Variants in BEND3 observed in about 807,000 individuals in gnomAD.
BEND3 encodes the protein BEN domain containing 3, also known as BEN domain-containing protein 3.
A neutral mutation model predicts 60.1 loss-of-function variants in BEND3; 13 were observed. The ratio of observed to expected loss-of-function variants is 0.22; its 90% CI spans 0.14 to 0.34. The LOEUF (loss-of-function observed/expected upper bound fraction) is 0.34, where lower values mean the gene tolerates loss of function less well. Ranked by LOEUF, BEND3 falls within the 10% of genes least tolerant of loss-of-function variation. The pLI is 1.00. For synonymous variants in BEND3, 497 were observed against 491.5 expected, an observed-to-expected ratio of 1.01 and a Z score of -0.15; for missense variants, 896 against 1,138.1, an observed-to-expected ratio of 0.79 and a Z score of 3.06.
intron 3 of BEND3, among the ~76,000 whole-genome samples, chr6:107,076,714 G>C (rs567479951): frequency 2.6e-5 from 4 of 152,276 alleles, no homozygotes; most frequent in African/African-American, 9.6e-5. Flanking sequence ...CATGGCTTGG[G>C]GAAGCAGAGA....
intron 3 of BEND3, among the ~76,000 whole-genome samples, chr6:107,093,288 G>A (rs983356093): frequency 3.9e-5 from 6 of 151,954 alleles, no homozygotes; most frequent in Non-Finnish European, 5.9e-5. Flanking sequence ...GTGAAACCCC[G>A]TCTCTACTAA....
In BEND3 at chr6:107,108,254, A is replaced by C. The variant is rs191082571; in HGVS notation, c.-12+6836T>G. On this transcript the variant is annotated intron_variant, in intron 1 of 3. Transcript: ENST00000369042. ...CCGCGCGCCTGTGATTTGGCGTCTT[A>C]ATCTTTGGTCACTTGCGTCTTCTGA... is the stretch of plus-strand genomic sequence containing the variant. 2.5e-3 allele frequency among the ~76,000 whole-genome samples: 373 copies of C among 152,174 alleles called. 3 individuals are homozygous for C. The highest frequency in any genetic ancestry group is 8.7e-3 in the African/African-American group (362 of 41,506).
At chr6:107,087,039 A>G (rs1051622834) in intron 3 of BEND3, among the ~76,000 whole-genome samples, 1 of 150,874 alleles carries the variant, frequency 6.6e-6, no homozygotes, top group Non-Finnish European at 1.5e-5. Flanking sequence ...AAAAAAAAAA[A>G]AAGAAAAAGA....
chr6:107,087,671 AG>A (rs1775381055), intron 3 of BEND3, among the ~76,000 whole-genome samples: 2 of 151,400 alleles, frequency 1.3e-5, no homozygotes, highest in South Asian at 4.2e-4. Context: ...TGGGAGGCGG[AG>A]GTTGCAGTGA....
chr6:107,087,369 AC>A (rs1775375152), intron 3 of BEND3, among the ~76,000 whole-genome samples: 1 of 152,048 alleles, frequency 6.6e-6, no homozygotes, highest in Admixed American at 6.6e-5. Context: ...ACCAAACCAG[AC>A]TCAGAGGTGG....
chr6:107,101,124 C>T (rs1045309536), intron 1 of BEND3, among the ~76,000 whole-genome samples: 5 of 152,126 alleles, frequency 3.3e-5, no homozygotes, highest in African/African-American at 1.2e-4. Context: ...ACTGCTTGAA[C>T]CCGGGAGGCA....
rs1403065506 is a variant in BEND3 at position 107,098,630 on chromosome 6, G to A, written c.161C>T (p.Ser54Phe). 6.2e-7 allele frequency: 1 copy of A among 1,613,836 alleles called. No individual in the cohort carries two copies. Among genetic ancestry groups the A allele is most frequent in the Non-Finnish European group, 8.5e-7 (1 of 1,180,042 alleles). The change falls in exon 3 of 4, where the codon TCC becomes TTC. Residue 54 changes from serine to phenylalanine, a missense_variant. By Grantham distance (155) the Ser-to-Phe change is radical (BLOSUM62 -2). Transcript: ENST00000369042. ...GCTGACCAGCTGCTTTCGTTTGCTG[G>A]AGTCCTGCAGGGCAGTGAGGACGCT... ...VDSVLTALQD[S>F]SKRKQLVSDG...
chr6:107,097,498 G>GT (rs1554236125), intron 3 of BEND3, among the ~76,000 whole-genome samples: 1 of 149,650 alleles, frequency 6.7e-6, no homozygotes, highest in African/African-American at 2.5e-5. Flanking sequence ...GTAAATAAAA[G>GT]TATCACTCAT....
At chr6:107,102,769 C>A (rs1384665097) in intron 1 of BEND3, among the ~76,000 whole-genome samples, 4 of 152,198 alleles carry the variant, frequency 2.6e-5, no homozygotes, top group African/African-American at 9.7e-5. Flanking sequence ...AGGTGAGCAT[C>A]CCCTGTAACA....
At chr6:107,071,045 A>G in intron 3 of BEND3, 95 bp from the exon 4 acceptor site, 1 of 1,208,770 alleles carries the variant, frequency 8.3e-7, no homozygotes, top group Non-Finnish European at 1.1e-6. Context: ...GCCGAGGTCA[A>G]CCTTGGGAGC....
chr6:107,083,619 G>C (rs1775277697), intron 3 of BEND3, among the ~76,000 whole-genome samples: 1 of 151,670 alleles, frequency 6.6e-6, no homozygotes. Flanking sequence ...CTGGGTGACA[G>C]AGCAAGACTG....
chr6:107,094,130 G>A (rs1305241976), intron 3 of BEND3, among the ~76,000 whole-genome samples: 4 of 152,162 alleles, frequency 2.6e-5, no homozygotes, highest in Admixed American at 1.3e-4. Flanking sequence ...CGGCACTTTC[G>A]AAGGCTTCAG....
intron 1 of BEND3, among the ~76,000 whole-genome samples, chr6:107,110,618 T>C (rs546588808): frequency 6.6e-6 from 1 of 152,228 alleles, no homozygotes; most frequent in Non-Finnish European, 1.5e-5. Flanking sequence ...GAGTGCAGTG[T>C]GGCACGATCT....
chr6:107,068,857 C>T lies in BEND3; in HGVS notation c.2334G>A (p.Arg778=). Residue 778 remains arginine, a synonymous_variant, in exon 4 of 4, where the codon CGG becomes CGA. Transcript: ENST00000369042. The surrounding 1 kb of genome is among the most constrained non-coding windows in gnomAD (Gnocchi z 5.8). The part of the protein sequence containing the change: ...NKKQLDPTRL[R]LIRHYVEAVY... ...CGGCTTCCACGTAGTGGCGGATGAGCCGCAGCCGCGTGGGGTCCAGTTGCT... is the reference window on the plus strand; with the variant it reads ...CGGCTTCCACGTAGTGGCGGATGAGTCGCAGCCGCGTGGGGTCCAGTTGCT... 2 of 1,614,020 alleles carry T rather than the reference C, an allele frequency of 1.2e-6. No homozygotes were observed. Among genetic ancestry groups the T allele is most frequent in the Non-Finnish European group, 1.7e-6 (2 of 1,180,038 alleles).
At chr6:107,084,651 CGCACCAATCAGCACTCTGTAAAACT>C (rs1775303720) in intron 3 of BEND3, among the ~76,000 whole-genome samples, 1 of 151,620 alleles carries the variant, frequency 6.6e-6, no homozygotes, top group South Asian at 2.1e-4. Flanking sequence ...GGACTGTACA[CGCACCAATCAGCACTCTGTAAAACT>C]GCACCAATCA....
intron 3 of BEND3, among the ~76,000 whole-genome samples, chr6:107,078,599 CGTGA>C (rs1376587326): frequency 2.9e-3 from 406 of 139,992 alleles, no homozygotes; most frequent in Middle Eastern, 3.6e-3. Context: ...GGATTACAGG[CGTGA>C]GCCTCCGTGC....
intron 1 of BEND3, chr6:107,113,901 C>G (rs573830688): frequency 6.6e-6 from 1 of 152,232 alleles, no homozygotes; most frequent in Non-Finnish European, 1.5e-5. Context: ...GCAACCGTAG[C>G]TTTCTGGCAC....
chr6:107,067,388 C>T lies in BEND3; in HGVS notation c.*1316G>A, dbSNP rs1014916353. ...AAAAGTATCATTTTAAAGGACTTTA[C>T]CTGTCAGGGGATTTCCCAGTTGGTG... is the stretch of plus-strand genomic sequence containing the variant. On this transcript the variant is annotated 3_prime_UTR_variant, in exon 4 of 4. Transcript: ENST00000369042. The T allele has an allele frequency of 2.0e-5, 3 of 152,222 alleles. No individual in the cohort carries two copies. The highest frequency in any genetic ancestry group is 4.1e-4 in the South Asian group (2 of 4,832). 9.4% of individuals were successfully genotyped at this position (152,222 alleles called of 1,614,324 possible).
At chr6:107,097,461 A>G (rs1464777931) in intron 3 of BEND3, among the ~76,000 whole-genome samples, 1 of 138,318 alleles carries the variant, frequency 7.2e-6, no homozygotes, top group East Asian at 4.4e-4. Context: ...AAGAGTTAGA[A>G]AAAAAAAACC....
Sources: gnomAD v4.1 joint callset for allele counts (sites outside exome capture counted in the v4.1 genomes callset) on GRCh38, gnomAD v4.1.1 for gene constraint, Gnocchi (gnomAD v3.1) non-coding constraint, MANE v1.5 for transcripts, NCBI Gene and HGNC (gene_info 2026-07-23, HGNC 2026-07-21) for gene names.